The following ZNF638 variants were observed in gnomAD, a reference collection of about 807,000 sequenced individuals.
ZNF638 encodes CTCL tumor antigen se33-1.
ZNF638 carries 46 observed loss-of-function variants against 195.6 expected under a neutral mutation model. The ratio of observed to expected loss-of-function variants is 0.24; its 90% CI spans 0.19 to 0.30. The LOEUF (loss-of-function observed/expected upper bound fraction) is 0.30. Among genes scored for constraint, ZNF638 ranks in the 10% least tolerant of loss-of-function variants. The pLI is 1.00. For missense variants in ZNF638, 2,440 were observed against 2,325.3 expected, an observed-to-expected ratio of 1.05 and a Z score of -1.01; for synonymous variants, 845 against 772.0, an observed-to-expected ratio of 1.09 and a Z score of -1.57.
In ZNF638 at chr2:71,349,130, A is replaced by G; in HGVS notation, c.176A>G (p.Glu59Gly). Residue 59 changes from glutamate (E) to glycine (G), a missense_variant, in exon 2 of 28, where the codon GAA (glutamate) becomes GGA (glycine). Physicochemically the swap from Glu to Gly is moderately conservative, Grantham distance 98. This residue lies in a region of ZNF638 where 191 missense variants were observed against 173.8 expected (regional missense o/e 1.10). Coordinates refer to ENST00000264447, the MANE Select transcript of ZNF638 (RefSeq NM_014497.5). Reference protein sequence around the residue: ...RGIPHRFAGHESYQNMGPQRM... With the variant: ...RGIPHRFAGHGSYQNMGPQRM... ...ATTCCACACAGATTTGCTGGCCATG[A>G]ATCTTATCAGAACATGGGGCCACAG... 6.2e-7 allele frequency: 1 copy of G among 1,614,226 alleles called. No individual in the cohort carries two copies. The highest frequency in any genetic ancestry group is 8.5e-7 in the Non-Finnish European group (1 of 1,180,036).
Position 71,426,874 on chromosome 2 carries a change from G to T in ZNF638, c.5005G>T (p.Ala1669Ser). 1 of 1,614,158 alleles carries T rather than the reference G, an allele frequency of 6.2e-7. No individual in the cohort carries two copies. The highest frequency in any genetic ancestry group is 8.5e-7 in the Non-Finnish European group (1 of 1,180,006). Reference sequence around the variant, plus strand: ...TAAAGATGTTACTGTTCTGTCAGTGGCTGAAGAACAAGATCTCCTCAAACA... The same window carrying T: ...TAAAGATGTTACTGTTCTGTCAGTGTCTGAAGAACAAGATCTCCTCAAACA... ...EPKDVTVLSV[A>S]EEQDLLKQER... is the part of the protein sequence containing the mutation. Residue 1669 changes from alanine to serine, a missense_variant, in exon 24 of 28, where the codon GCT becomes TCT. Physicochemically the swap from Ala to Ser is moderately conservative, Grantham distance 99 (BLOSUM62 1). Around this residue, in one of 5 missense-constraint regions of ZNF638, gnomAD observed 1,883 missense variants for 1,739.1 expected, o/e 1.08. Coordinates refer to ENST00000264447, the MANE Select transcript of ZNF638 (RefSeq NM_014497.5).
intron 8 of ZNF638, among the ~76,000 whole-genome samples, chr2:71,376,983 G>A (rs1371982278): frequency 6.6e-6 from 1 of 152,092 alleles, no homozygotes; most frequent in Non-Finnish European, 1.5e-5. Context: ...TTTCTTTAAA[G>A]TATCAGGAGC....
chr2:71,378,756 G>GAT (rs1293471943), intron 8 of ZNF638, among the ~76,000 whole-genome samples: 1 of 152,182 alleles, frequency 6.6e-6, no homozygotes, highest in Non-Finnish European at 1.5e-5. Flanking sequence ...TTGAAAAGGT[G>GAT]ATATATGAGC....
intron 8 of ZNF638, among the ~76,000 whole-genome samples, chr2:71,379,142 T>C (rs910933688): frequency 4.6e-5 from 7 of 152,136 alleles, no homozygotes; most frequent in African/African-American, 1.7e-4. Flanking sequence ...CAAAAGGTAG[T>C]AGTAGATTAG....
At chr2:71,424,858 CTT>C (rs1481332492) in intron 23 of ZNF638, 143 bp downstream of exon 23, 1 of 637,612 alleles carries the variant, frequency 1.6e-6, no homozygotes, top group African/African-American at 1.9e-5. Flanking sequence ...TTGTTTTTAA[CTT>C]ATCTCTAATC....
At chr2:71,428,267 T>C (rs982817080) in intron 24 of ZNF638, among the ~76,000 whole-genome samples, 9 of 152,136 alleles carry the variant, frequency 5.9e-5, no homozygotes, top group Admixed American at 3.9e-4. Context: ...CACAGGCTTA[T>C]GGAACAAATT....
At chr2:71,339,840 C>G (rs759376727) in intron 1 of ZNF638, among the ~76,000 whole-genome samples, 1 of 152,086 alleles carries the variant, frequency 6.6e-6, no homozygotes, top group Admixed American at 6.5e-5. Context: ...TAACCTGTTA[C>G]ACTTACTAGG....
chr2:71,407,237 T>C (rs1467413585), intron 19 of ZNF638: 2 of 152,228 alleles, frequency 1.3e-5, no homozygotes, highest in Non-Finnish European at 2.9e-5. Flanking sequence ...GATATGCTTC[T>C]GATAAATAGA....
chr2:71,351,810 T>C (rs894353268), intron 2 of ZNF638, among the ~76,000 whole-genome samples: 4 of 152,312 alleles, frequency 2.6e-5, no homozygotes, highest in Admixed American at 2.0e-4. Context: ...TCCCAAGACA[T>C]TTAAAACAAT....
chr2:71,349,313 C>G lies in ZNF638; in HGVS notation c.359C>G (p.Ser120Cys), dbSNP rs781444067. Reference protein sequence around the residue: ...ISASVAVKQSSVTQVTEQSPK... With the variant: ...ISASVAVKQSCVTQVTEQSPK... ...GCATCAGTGGCAGTGAAACAGAGTT[C>G]TGTAACACAGGTTACAGAGCAGAGT... Residue 120 changes from serine to cysteine, a missense_variant, in exon 2 of 28, where the codon TCT (serine) becomes TGT (cysteine). Physicochemically the swap from Ser to Cys is moderately radical, Grantham distance 112. Around this residue, in one of 5 missense-constraint regions of ZNF638, gnomAD observed 191 missense variants for 173.8 expected, o/e 1.10. Coordinates refer to ENST00000264447, the MANE Select transcript of ZNF638 (RefSeq NM_014497.5). The G allele has an allele frequency of 7.4e-6, 12 of 1,614,174 alleles. No individual in the cohort carries two copies. In the South Asian group the frequency reaches 1.1e-4, roughly 15 times the overall value.
chr2:71,434,142 C>G (rs1427196009), intron 27 of ZNF638, among the ~76,000 whole-genome samples: 1 of 152,168 alleles, frequency 6.6e-6, no homozygotes, highest in East Asian at 1.9e-4. Flanking sequence ...CTTCAAAGCC[C>G]TGCATGATCT....
At chr2:71,384,561 C>T (rs2079599288) in intron 10 of ZNF638, among the ~76,000 whole-genome samples, 2 of 152,106 alleles carry the variant, frequency 1.3e-5, no homozygotes, top group South Asian at 4.1e-4. Flanking sequence ...TCAGTAAGCA[C>T]TTAATAGGTC....
intron 8 of ZNF638, chr2:71,374,872 T>TGA (rs1392660880): frequency 6.6e-6 from 1 of 152,196 alleles, no homozygotes; most frequent in Non-Finnish European, 1.5e-5. Context: ...AGCACTGAGC[T>TGA]GAGATAGCAC....
intron 1 of ZNF638, among the ~76,000 whole-genome samples, chr2:71,347,131 G>A (rs1002501339): frequency 1.3e-5 from 2 of 152,210 alleles, no homozygotes; most frequent in Non-Finnish European, 2.9e-5. Context: ...AGTCAGGTGA[G>A]CGTCCAGGGC....
At chr2:71,404,075 GT>G in intron 17 of ZNF638, 77 bp downstream of exon 17, 1 of 1,435,530 alleles carries the variant, frequency 7.0e-7, no homozygotes, top group Non-Finnish European at 9.4e-7. Flanking sequence ...ATGTTTTCTA[GT>G]TTTCCACTTT....
At position 71,397,991 on chromosome 2, in the gene ZNF638, T is replaced by C. The variant is rs376344188; in HGVS notation, c.2429-710T>C. 9.2e-5 allele frequency among the ~76,000 whole-genome samples: 14 copies of C among 152,278 alleles called. No individual in the cohort carries two copies. The South Asian group carries it at 2.9e-3, about 32-fold the overall frequency. On this transcript the variant is annotated intron_variant, in intron 11 of 27. Transcript: ENST00000264447. ...TAATCAATTAGGAGCCGTGGAAGTG[T>C]GGGTTGGGAGGATCTAGGTTTAACT...
chr2:71,386,340 A>G (rs546954671), intron 10 of ZNF638, among the ~76,000 whole-genome samples: 6 of 150,428 alleles, frequency 4.0e-5, no homozygotes, highest in African/African-American at 7.3e-5. Context: ...TATGATATGT[A>G]TGTGTGTATA....
chr2:71,424,816 G>A (rs1228107282), intron 23 of ZNF638, 101 bp downstream of exon 23: 3 of 872,142 alleles, frequency 3.4e-6, no homozygotes, highest in African/African-American at 3.4e-5. Flanking sequence ...TAGTGACTAA[G>A]AGTTTAGAGC....
rs759483652 is a variant in ZNF638 at position 71,426,870 on chromosome 2, A to G, written c.5001A>G (p.Ser1667=). 2 of 1,614,182 alleles carry G rather than the reference A, an allele frequency of 1.2e-6. No individual in the cohort carries two copies. The highest frequency in any genetic ancestry group is 2.2e-5 in the East Asian group (1 of 44,882). ...AACCTAAAGATGTTACTGTTCTGTC[A>G]GTGGCTGAAGAACAAGATCTCCTCA... ...HSEPKDVTVL[S]VAEEQDLLKQ... The change falls in exon 24 of 28, where the codon TCA becomes TCG. Residue 1667 remains serine (S), a synonymous_variant. Coordinates refer to ENST00000264447, the MANE Select transcript of ZNF638 (RefSeq NM_014497.5).
Sources: allele counts gnomAD v4.1 joint callset (sites outside exome capture counted in the v4.1 genomes callset), GRCh38; gene constraint gnomAD v4.1.1; regional missense constraint gnomAD v4.1.1; transcripts MANE v1.5; gene names NCBI Gene and HGNC (gene_info 2026-07-23, HGNC 2026-07-21).